Variants in MTA3 observed in about 807,000 individuals in gnomAD.
MTA3 encodes metastasis associated 1 family member 3.
MTA3 carries 34 observed loss-of-function variants against 83.5 expected under a neutral mutation model. The observed-to-expected ratio is 0.41, with a 90% CI of 0.31 to 0.54. MTA3 has a LOEUF of 0.54. Among genes scored for constraint, MTA3 ranks in the 20% least tolerant of loss-of-function variants. The pLI, the probability that MTA3 is intolerant of heterozygous loss-of-function variation, is 0.33. For missense variants in MTA3, 761 were observed against 726.4 expected, an observed-to-expected ratio of 1.05 and a Z score of -0.55; for synonymous variants, 303 against 252.7, an observed-to-expected ratio of 1.20 and a Z score of -1.89.
chr2:42,589,562 T>C (rs1444377329), intron 3 of MTA3, among the ~76,000 whole-genome samples: 2 of 152,196 alleles, frequency 1.3e-5, no homozygotes, highest in African/African-American at 4.8e-5. Flanking sequence ...TTTGGATTTT[T>C]GTTTTTTTGA....
Position 42,755,911 on chromosome 2 carries a change from A to C in MTA3, c.*2512A>C. 1 of 985,458 alleles carries C rather than the reference A, an allele frequency of 1.0e-6. No homozygotes were observed. The highest frequency in any genetic ancestry group is 1.2e-6 in the Non-Finnish European group (1 of 829,980). The allele number at this position is 985,458 out of a possible 1,614,324, so 61.0% of individuals were successfully genotyped here. On this transcript the variant is annotated 3_prime_UTR_variant, in exon 17 of 17. Coordinates refer to ENST00000405094, the MANE Select transcript of MTA3 (RefSeq NM_001330442.2). ...ATCGCCTGCCCACCCTTCACTTCTT[A>C]AAGGTGCGCAAGAGAGGAGGGCCGA...
chr2:42,710,549 C>CAAAAAAAAAAAAAA (rs765315082), intron 14 of MTA3, among the ~76,000 whole-genome samples: 3 of 61,066 alleles, frequency 4.9e-5, no homozygotes, highest in African/African-American at 7.1e-5. Context: ...AACTTCATCT[C>CAAAAAAAAAAAAAA]AAAAAAAAAA....
At chr2:42,673,891 T>C (rs191170036) in intron 8 of MTA3, among the ~76,000 whole-genome samples, 1 of 152,350 alleles carries the variant, frequency 6.6e-6, no homozygotes, top group East Asian at 1.9e-4. Context: ...TTCACAACAC[T>C]TCTGGCAACT....
chr2:42,725,220 A>C (rs1008066914), intron 16 of MTA3, among the ~76,000 whole-genome samples: 1 of 152,236 alleles, frequency 6.6e-6, no homozygotes, highest in Non-Finnish European at 1.5e-5. Context: ...CTTGGCATGT[A>C]GTAGGTACTC....
chr2:42,652,595 C>G (rs1022705323), intron 6 of MTA3, among the ~76,000 whole-genome samples: 6 of 152,148 alleles, frequency 3.9e-5, no homozygotes, highest in Non-Finnish European at 7.3e-5. Flanking sequence ...ATCCTCCTAC[C>G]TTGGCTTCCC....
At chr2:42,508,767 A>T (rs924646002) in intron 2 of MTA3, among the ~76,000 whole-genome samples, 1 of 147,182 alleles carries the variant, frequency 6.8e-6, no homozygotes, top group Non-Finnish European at 1.5e-5. Flanking sequence ...ATATAGTATT[A>T]TATAATATAT....
At chr2:42,651,817 T>G (rs997774445) in intron 6 of MTA3, among the ~76,000 whole-genome samples, 4 of 149,630 alleles carry the variant, frequency 2.7e-5, no homozygotes, top group Non-Finnish European at 5.9e-5. Context: ...AAAAAGAGGC[T>G]GGGCATGGTG....
chr2:42,657,502 C>A (rs1469958122), intron 7 of MTA3, among the ~76,000 whole-genome samples: 1 of 152,138 alleles, frequency 6.6e-6, no homozygotes, highest in Non-Finnish European at 1.5e-5. Flanking sequence ...TTGCCATTTT[C>A]AAATTAGATT....
intron 2 of MTA3, among the ~76,000 whole-genome samples, chr2:42,555,936 G>A (rs1373790099): frequency 6.6e-6 from 1 of 151,984 alleles, no homozygotes; most frequent in African/African-American, 2.4e-5. Context: ...GCCAGACATG[G>A]TGGTGGGCGC....
rs368849682 is a variant in MTA3 at position 42,647,337 on chromosome 2, C to T, written c.499+3093C>T. On this transcript the variant is annotated intron_variant, in intron 6 of 16. Transcript: ENST00000405094. ...CTCCTGGGTTCAAACGATTCCTGTG[C>T]CTCGACCTCTCGAGTAGCTGGGATT... 5.6e-4 allele frequency among the ~76,000 whole-genome samples: 85 copies of T among 151,862 alleles called. No individual in the cohort carries two copies. The South Asian group carries it at 6.5e-3, about 12-fold the overall frequency.
chr2:42,638,176 A>C (rs1687367688), intron 4 of MTA3, among the ~76,000 whole-genome samples: 1 of 152,170 alleles, frequency 6.6e-6, no homozygotes, highest in African/African-American at 2.4e-5. Flanking sequence ...TGAGTATCAA[A>C]TGTTAGAAAT....
chr2:42,569,310 C>T (rs1364568273), intron 1 of MTA3: 1 of 152,406 alleles, frequency 6.6e-6, no homozygotes, highest in Admixed American at 6.5e-5. Context: ...GTTTCTGGTC[C>T]AGTCCCCCAC....
intron 3 of MTA3, among the ~76,000 whole-genome samples, chr2:42,608,212 T>C (rs531252152): frequency 7.2e-5 from 11 of 152,356 alleles, no homozygotes; most frequent in Non-Finnish European, 1.3e-4. Flanking sequence ...CTGTGTCTTA[T>C]ACAACAACAA....
chr2:42,644,878 T>G (rs1688028218), intron 6 of MTA3, among the ~76,000 whole-genome samples: 2 of 152,138 alleles, frequency 1.3e-5, no homozygotes, highest in South Asian at 4.1e-4. Flanking sequence ...CCCTGCCTCT[T>G]TCTCTCTCCT....
At chr2:42,586,342 T>C (rs569825340) in intron 3 of MTA3, among the ~76,000 whole-genome samples, 1 of 150,478 alleles carries the variant, frequency 6.6e-6, no homozygotes, top group South Asian at 2.1e-4. Flanking sequence ...CCAAGCACTT[T>C]TGGAGGCCAA....
chr2:42,526,516 C>G (rs962398077), intron 2 of MTA3, among the ~76,000 whole-genome samples: 2 of 152,286 alleles, frequency 1.3e-5, no homozygotes, highest in African/African-American at 4.8e-5. Flanking sequence ...ATCACAGGCA[C>G]TCGGATGTCA....
intron 3 of MTA3, among the ~76,000 whole-genome samples, chr2:42,580,223 C>T (rs563091027): frequency 6.6e-6 from 1 of 152,030 alleles, no homozygotes; most frequent in African/African-American, 2.4e-5. Context: ...TCAAGTGATC[C>T]TCCTGCCTCA....
intron 8 of MTA3, among the ~76,000 whole-genome samples, chr2:42,678,494 C>T (rs2104427115): frequency 6.6e-6 from 1 of 152,176 alleles, no homozygotes; most frequent in Non-Finnish European, 1.5e-5. Context: ...ACTGCCACCA[C>T]ACCCAGCTAA....
chr2:42,663,002 T>G (rs746132804), intron 8 of MTA3, among the ~76,000 whole-genome samples: 1 of 152,192 alleles, frequency 6.6e-6, no homozygotes, highest in Non-Finnish European at 1.5e-5. Flanking sequence ...GTTGCTGGGA[T>G]TACAGGTGTG....
Sources: gnomAD v4.1 joint callset for allele counts (sites outside exome capture counted in the v4.1 genomes callset) on GRCh38, gnomAD v4.1.1 for gene constraint, MANE v1.5 for transcripts, NCBI Gene and HGNC (gene_info 2026-07-23, HGNC 2026-07-21) for gene names.